TSHZ2: variants seen among roughly 807,000 people sequenced by gnomAD.
TSHZ2 encodes the protein teashirt zinc finger homeobox 2, also known as teashirt homolog 2.
A neutral mutation model predicts 74.4 loss-of-function variants in TSHZ2; 21 were observed. That is an observed-to-expected ratio of 0.28 (90% confidence interval 0.20 to 0.41). The LOEUF (loss-of-function observed/expected upper bound fraction) is 0.41, where lower values mean the gene tolerates loss of function less well. Ranked by LOEUF, TSHZ2 falls within the 10% of genes least tolerant of loss-of-function variation. TSHZ2 has a pLI of 1.00. For missense variants in TSHZ2, 1,244 were observed against 1,293.5 expected (o/e 0.96, Z 0.59); for synonymous variants, 540 against 515.3 (o/e 1.05, Z -0.65).
intron 2 of TSHZ2, among the ~76,000 whole-genome samples, chr20:53,483,319 G>A (rs1190894714): frequency 1.3e-5 from 2 of 152,130 alleles, no homozygotes; most frequent in East Asian, 1.9e-4. Flanking sequence ...GGAGGCTGAG[G>A]TGGGAGGATC....
intron 1 of TSHZ2, among the ~76,000 whole-genome samples, chr20:53,173,499 T>A (rs1393475654): frequency 1.3e-5 from 2 of 152,052 alleles, no homozygotes; most frequent in Non-Finnish European, 2.9e-5. Context: ...TCCCAGCTAC[T>A]CAGGAGGCTG....
At chr20:53,067,314 G>GT (rs1298110760) in intron 1 of TSHZ2, among the ~76,000 whole-genome samples, 1 of 152,164 alleles carries the variant, frequency 6.6e-6, no homozygotes, top group Non-Finnish European at 1.5e-5. Flanking sequence ...TCTTGAGCAG[G>GT]TTTTTTGTTA....
chr20:53,408,807 A>C (rs1184409021), intron 2 of TSHZ2, among the ~76,000 whole-genome samples: 1 of 152,230 alleles, frequency 6.6e-6, no homozygotes, highest in South Asian at 2.1e-4. Flanking sequence ...TTCACTCTGT[A>C]TATCATCCTA....
In TSHZ2 at chr20:53,473,435, T is replaced by C. The variant is rs80273607; in HGVS notation, c.*9-13709T>C. ...ACGGCAGGGTATTCCAACAGACCTGTGGCTGAGGGTCCTGTCTGTTAGAAG... is the reference window on the plus strand; with the variant it reads ...ACGGCAGGGTATTCCAACAGACCTGCGGCTGAGGGTCCTGTCTGTTAGAAG... On this transcript the variant is annotated intron_variant, in intron 2 of 2. Coordinates refer to ENST00000371497, the MANE Select transcript of TSHZ2 (RefSeq NM_173485.6). Among the ~76,000 whole-genome samples the C allele has an allele frequency of 8.9e-4, 115 of 129,920 alleles. 1 individual carries two copies. Among genetic ancestry groups the C allele is most frequent in the African/African-American group, 2.4e-3 (75 of 31,354 alleles). The allele number at this position is 129,920 out of a possible 152,430, so 85.2% of individuals were successfully genotyped here.
intron 2 of TSHZ2, among the ~76,000 whole-genome samples, chr20:53,327,489 A>C (rs1212371261): frequency 6.6e-6 from 1 of 152,216 alleles, no homozygotes; most frequent in Non-Finnish European, 1.5e-5. Flanking sequence ...ACGTCTCAAA[A>C]AAAGAAAAAA....
intron 2 of TSHZ2, among the ~76,000 whole-genome samples, chr20:53,415,797 TATAC>T (rs966800287): frequency 8.3e-5 from 3 of 36,184 alleles, no homozygotes; most frequent in African/African-American, 3.4e-4. Flanking sequence ...TGTGTGTAGA[TATAC>T]ACACACACAC....
chr20:53,106,716 T>TGACACAGAG (rs1986384731), intron 1 of TSHZ2, among the ~76,000 whole-genome samples: 1 of 137,056 alleles, frequency 7.3e-6, no homozygotes. Flanking sequence ...TGTTTTTTTT[T>TGACACAGAG]TGACACAGAG....
intron 2 of TSHZ2, among the ~76,000 whole-genome samples, chr20:53,455,993 C>A (rs986268775): frequency 1.3e-5 from 2 of 152,090 alleles, no homozygotes; most frequent in South Asian, 2.1e-4. Flanking sequence ...CAAGTCTTTG[C>A]TATTGTGAAT....
At chr20:53,214,329 G>A (rs1239036726) in intron 1 of TSHZ2, among the ~76,000 whole-genome samples, 1 of 152,182 alleles carries the variant, frequency 6.6e-6, no homozygotes, top group Non-Finnish European at 1.5e-5. Flanking sequence ...ATTATTAAAT[G>A]CTGTGCAAGA....
In TSHZ2 at chr20:53,190,124, TATATATATA is replaced by T. The variant is rs1568803439; in HGVS notation, c.41-63374_41-63366del. ...ATATATATATATATATATATATATA[TATATATATA>T]TATATTTTCTTAAATGCCTCTGTTT... is the stretch of plus-strand genomic sequence containing the variant. On this transcript the variant is annotated intron_variant, in intron 1 of 2. Transcript: ENST00000371497. Among the ~76,000 whole-genome samples, 127 of 99,256 alleles carry T rather than the reference TATATATATA, an allele frequency of 1.3e-3. 4 individuals are homozygous for T. The highest frequency in any genetic ancestry group is 4.8e-3 in the African/African-American group (122 of 25,618). The allele number at this position is 99,256 out of a possible 152,430, so 65.1% of individuals were successfully genotyped here.
At chr20:53,112,378 A>G (rs1294180606) in intron 1 of TSHZ2, among the ~76,000 whole-genome samples, 1 of 152,226 alleles carries the variant, frequency 6.6e-6, no homozygotes, top group Non-Finnish European at 1.5e-5. Flanking sequence ...GAACTGCCTT[A>G]AGTCCATTTT....
intron 2 of TSHZ2, among the ~76,000 whole-genome samples, chr20:53,350,063 C>G (rs1980591011): frequency 6.6e-6 from 1 of 152,208 alleles, no homozygotes; most frequent in African/African-American, 2.4e-5. Context: ...CCTCCTCCCT[C>G]CCTTGTATAA....
At chr20:53,452,605 A>C (rs1443501905) in intron 2 of TSHZ2, among the ~76,000 whole-genome samples, 1 of 151,976 alleles carries the variant, frequency 6.6e-6, no homozygotes, top group East Asian at 1.9e-4. Context: ...TCTCAAAAAA[A>C]AAAAAAAAAA....
At chr20:53,041,913 A>G (rs1434218947) in intron 1 of TSHZ2, among the ~76,000 whole-genome samples, 2 of 152,220 alleles carry the variant, frequency 1.3e-5, no homozygotes, top group Non-Finnish European at 1.5e-5. Context: ...GAAGCATTTC[A>G]GGTGAATTGG....
chr20:53,228,333 C>T (rs774398218), intron 1 of TSHZ2, among the ~76,000 whole-genome samples: 31 of 152,172 alleles, frequency 2.0e-4, no homozygotes, highest in Non-Finnish European at 1.2e-4. Flanking sequence ...AATGGAACTT[C>T]ACAACTTTCA....
chr20:53,384,600 C>A (rs1168396040), intron 2 of TSHZ2, among the ~76,000 whole-genome samples: 1 of 152,114 alleles, frequency 6.6e-6, no homozygotes, highest in Non-Finnish European at 1.5e-5. Context: ...GGGGCTTGAC[C>A]TCTTTGGGCC....
At chr20:52,983,572 C>G (rs1002032904) in intron 1 of TSHZ2, among the ~76,000 whole-genome samples, 29 of 152,190 alleles carry the variant, frequency 1.9e-4, no homozygotes, top group African/African-American at 6.8e-4. Context: ...TTTCATAGGT[C>G]TAAAACTTTT....
intron 1 of TSHZ2, among the ~76,000 whole-genome samples, chr20:53,044,025 T>C (rs1984138790): frequency 6.6e-6 from 1 of 152,214 alleles, no homozygotes; most frequent in Admixed American, 6.5e-5. Flanking sequence ...TACTCCATCA[T>C]TTTGTCCTCC....
At chr20:53,007,737 C>CGT (rs35218931) in intron 1 of TSHZ2, among the ~76,000 whole-genome samples, 58,451 of 147,928 alleles carry the variant, frequency 0.4, 11,665 homozygotes, top group Non-Finnish European at 0.46. Flanking sequence ...TATGTATATT[C>CGT]GTGTGTGTGT....
Sources: gnomAD v4.1 joint callset for allele counts (sites outside exome capture counted in the v4.1 genomes callset) on GRCh38, gnomAD v4.1.1 for gene constraint, MANE v1.5 for transcripts, NCBI Gene and HGNC (gene_info 2026-07-23, HGNC 2026-07-21) for gene names.